Variants in AKAP9 observed in about 807,000 individuals in gnomAD.
The protein encoded by AKAP9 is A-kinase anchor protein 9.
Under a neutral mutation model 488.5 loss-of-function variants are expected in AKAP9, and 311 were observed. The observed-to-expected ratio is 0.64, with a 90% CI of 0.58 to 0.70. The LOEUF (loss-of-function observed/expected upper bound fraction) is 0.70, where lower values mean the gene tolerates loss of function less well. Among genes scored for constraint, AKAP9 ranks in the 30% least tolerant of loss-of-function variants. AKAP9 has a pLI of 0.00. For missense variants in AKAP9, 4,215 were observed against 4,374.5 expected, an observed-to-expected ratio of 0.96 and a Z score of 1.03; for synonymous variants, 1,462 against 1,483.5, an observed-to-expected ratio of 0.99 and a Z score of 0.33.
At chr7:91,979,019 C>T (rs189037951) in intron 2 of AKAP9, among the ~76,000 whole-genome samples, 1 of 149,580 alleles carries the variant, frequency 6.7e-6, no homozygotes, top group African/African-American at 2.5e-5. Context: ...CTTAAATGAT[C>T]CACCCACCTC....
chr7:92,076,797 T>C, intron 28 of AKAP9, 58 bp from the exon 29 acceptor site: 1 of 1,077,378 alleles, frequency 9.3e-7, no homozygotes, highest in Non-Finnish European at 1.3e-6. Context: ...CTCTTCATTT[T>C]ATCTTGATAA....
chr7:92,041,004 ATT>A (rs34494828), intron 18 of AKAP9, 106 bp downstream of exon 18: 5,140 of 744,406 alleles, frequency 6.9e-3, no homozygotes, highest in South Asian at 0.01. Flanking sequence ...TGTAGCCATA[ATT>A]TTTTTTTTTT....
chr7:92,061,614 A>ATG (rs1160610952), intron 23 of AKAP9, among the ~76,000 whole-genome samples, 192 bp downstream of exon 23: 1 of 141,750 alleles, frequency 7.1e-6, no homozygotes, highest in Non-Finnish European at 1.5e-5. Flanking sequence ...ATATATATAT[A>ATG]TATATAAAAT....
At chr7:91,952,783 G>T (rs1369685591) in intron 1 of AKAP9, among the ~76,000 whole-genome samples, 1 of 152,138 alleles carries the variant, frequency 6.6e-6, no homozygotes, top group Non-Finnish European at 1.5e-5. Context: ...ATTATATCCT[G>T]TAGATTGTGG....
intron 17 of AKAP9, among the ~76,000 whole-genome samples, chr7:92,040,189 T>C (rs1584271444): frequency 6.6e-6 from 1 of 152,244 alleles, no homozygotes; most frequent in East Asian, 1.9e-4. Context: ...TCAAATAAAA[T>C]GTATTGAAAA....
intron 16 of AKAP9, among the ~76,000 whole-genome samples, chr7:92,037,056 G>GT (rs1275846190): frequency 1.3e-5 from 2 of 152,098 alleles, no homozygotes; most frequent in Non-Finnish European, 2.9e-5. Context: ...AATTTCTGCC[G>GT]TAATATTTAT....
At chr7:92,070,584 G>A (rs1038972425) in intron 27 of AKAP9, among the ~76,000 whole-genome samples, 60 of 151,794 alleles carry the variant, frequency 4.0e-4, no homozygotes, top group African/African-American at 1.3e-3. Flanking sequence ...ATAGGCATGC[G>A]CCACCACAAC....
chr7:92,060,770 A>G (rs1229605406), intron 22 of AKAP9, among the ~76,000 whole-genome samples: 1 of 152,152 alleles, frequency 6.6e-6, no homozygotes, highest in East Asian at 1.9e-4. Flanking sequence ...TTGTGCTACT[A>G]TCATTTTGTT....
chr7:92,033,721 A>G (rs766980422), intron 16 of AKAP9, among the ~76,000 whole-genome samples: 1 of 152,128 alleles, frequency 6.6e-6, no homozygotes, highest in African/African-American at 2.4e-5. Context: ...AGCAGGCGTG[A>G]GCCACCATGC....
At chr7:92,056,734 T>G (rs1808849678) in intron 22 of AKAP9, among the ~76,000 whole-genome samples, 1 of 151,918 alleles carries the variant, frequency 6.6e-6, no homozygotes, top group African/African-American at 2.4e-5. Context: ...GTCTACCTAC[T>G]GTGAAATGGT....
At chr7:92,022,134 G>T in intron 12 of AKAP9, 104 bp from the exon 13 acceptor site, 1 of 849,254 alleles carries the variant, frequency 1.2e-6, no homozygotes, top group Non-Finnish European at 2.0e-6. Flanking sequence ...ACAATTTTGG[G>T]TGGTTTTAAA....
chr7:91,959,244 C>A (rs1793421307), intron 1 of AKAP9, among the ~76,000 whole-genome samples: 1 of 151,986 alleles, frequency 6.6e-6, no homozygotes, highest in Admixed American at 6.6e-5. Flanking sequence ...AATAGTGTAA[C>A]CATGGACCTG....
At chr7:92,073,507 A>G (rs1428033072) in intron 28 of AKAP9, among the ~76,000 whole-genome samples, 3 of 150,064 alleles carry the variant, frequency 2.0e-5, no homozygotes, top group African/African-American at 7.5e-5. Context: ...CTCCATCTCA[A>G]AAAAAAAAGA....
At chr7:91,966,030 T>C (rs1233419077) in intron 1 of AKAP9, among the ~76,000 whole-genome samples, 3 of 152,202 alleles carry the variant, frequency 2.0e-5, no homozygotes, top group Admixed American at 6.5e-5. Flanking sequence ...ACAGAAACTT[T>C]TTAGCTTTAA....
intron 2 of AKAP9, among the ~76,000 whole-genome samples, chr7:91,977,516 A>G (rs1365755961): frequency 3.9e-5 from 6 of 152,174 alleles, no homozygotes; most frequent in Non-Finnish European, 8.8e-5. Context: ...AGATCACGTC[A>G]CTACACTCCA....
chr7:92,103,345 G>A (rs994234141), intron 46 of AKAP9, among the ~76,000 whole-genome samples: 7 of 143,568 alleles, frequency 4.9e-5, no homozygotes, highest in East Asian at 4.2e-4. Flanking sequence ...AGCCGAGATC[G>A]GCGCCACTAC....
intron 22 of AKAP9, among the ~76,000 whole-genome samples, chr7:92,056,563 C>T (rs991199474): frequency 1.5e-4 from 23 of 150,714 alleles, no homozygotes; most frequent in Non-Finnish European, 1.5e-5. Flanking sequence ...GACACCTTCA[C>T]AGACTAACTG....
Position 91,986,802 on chromosome 7 carries a change from G to A in AKAP9, c.352-5356G>A, listed in dbSNP as rs183871935. On this transcript the variant is annotated intron_variant, in intron 3 of 49. Transcript: ENST00000356239. ...ATAGTATTTAAGTGTAAGTACTACC[G>A]ATAAAACTTAGAACAGTATTTATCA... Among the ~76,000 whole-genome samples, 104 of 152,016 alleles carry A rather than the reference G, an allele frequency of 6.8e-4. 1 individual carries two copies. Among genetic ancestry groups the A allele is most frequent in the East Asian group, 1.2e-3 (6 of 5,180 alleles).
In AKAP9 at chr7:92,108,541, C is replaced by G; in HGVS notation, c.11594C>G (p.Ser3865Cys). 1.2e-6 allele frequency: 2 copies of G among 1,614,144 alleles called. No individual in the cohort carries two copies. The highest frequency in any genetic ancestry group is 1.7e-6 in the Non-Finnish European group (2 of 1,180,002). ...ADFNPGSLACSQLQNYDPDRA... is the reference protein window; with the variant it reads ...ADFNPGSLACCQLQNYDPDRA... ...TTCAATCCTGGTTCTTTAGCATGTTCTCAGCTTCAGAATTACGATCCTGAC... is the reference window on the plus strand; with the variant it reads ...TTCAATCCTGGTTCTTTAGCATGTTGTCAGCTTCAGAATTACGATCCTGAC... The change falls in exon 49 of 50, where the codon TCT (serine) becomes TGT (cysteine). Residue 3865 changes from serine (S) to cysteine (C), a missense_variant. Transcript: ENST00000356239.
Sources: gnomAD v4.1 joint callset for allele counts (sites outside exome capture counted in the v4.1 genomes callset) on GRCh38, gnomAD v4.1.1 for gene constraint, MANE v1.5 for transcripts, NCBI Gene and HGNC (gene_info 2026-07-23, HGNC 2026-07-21) for gene names.